ATG4C: variants seen among roughly 807,000 people sequenced by gnomAD.
ATG4C encodes the protein cysteine protease ATG4C.
A neutral mutation model predicts 57.6 loss-of-function variants in ATG4C; 56 were observed. The ratio of observed to expected loss-of-function variants is 0.97; its 90% confidence interval spans 0.78 to 1.21. The LOEUF is 1.21. Ranked by LOEUF, ATG4C falls within the 50% of genes most tolerant of loss-of-function variation. The pLI is 0.00. For synonymous variants in ATG4C, 157 were observed against 174.1 expected (o/e 0.90, Z 0.78); for missense variants, 595 against 529.8 (o/e 1.12, Z -1.21).
intron 10 of ATG4C, among the ~76,000 whole-genome samples, chr1:62,862,731 A>G (rs1666893534): frequency 6.6e-6 from 1 of 152,178 alleles, no homozygotes; most frequent in South Asian, 2.1e-4. Flanking sequence ...TATATTTTAT[A>G]TAGTTGTCTC....
In ATG4C at chr1:62,810,259, A is replaced by T. The variant is rs567331547; in HGVS notation, c.160+5004A>T. Among the ~76,000 whole-genome samples the T allele has an allele frequency of 5.9e-5, 9 of 152,342 alleles. No individual in the cohort carries two copies. The South Asian group carries it at 1.9e-3, about 32-fold the overall frequency. On this transcript the variant is annotated intron_variant, in intron 3 of 10. Coordinates refer to ENST00000317868, the MANE Select transcript of ATG4C (RefSeq NM_032852.4). ...GGTTACTGCTGAAAGTATGAAATAT[A>T]CAGTCTTTACTCTCAAGAAACTTAC... is the stretch of plus-strand genomic sequence containing the variant.
At chr1:62,786,857 GA>G (rs1223722510) in intron 1 of ATG4C, among the ~76,000 whole-genome samples, 2 of 152,192 alleles carry the variant, frequency 1.3e-5, no homozygotes, top group African/African-American at 2.4e-5. Flanking sequence ...TTACAGAGGG[GA>G]TAAGAGTGGG....
intron 9 of ATG4C, among the ~76,000 whole-genome samples, chr1:62,835,932 G>C (rs1665986118): frequency 6.6e-6 from 1 of 152,064 alleles, no homozygotes; most frequent in Non-Finnish European, 1.5e-5. Context: ...TTGTGTCCAA[G>C]TTACATTTCC....
At chr1:62,857,510 A>T (rs1421634670) in intron 10 of ATG4C, among the ~76,000 whole-genome samples, 3 of 152,078 alleles carry the variant, frequency 2.0e-5, no homozygotes, top group Non-Finnish European at 4.4e-5. Context: ...ATATATTGCA[A>T]TGTAATAATA....
chr1:62,818,246 A>C (rs189578281), intron 4 of ATG4C, among the ~76,000 whole-genome samples: 2 of 152,290 alleles, frequency 1.3e-5, no homozygotes, highest in Admixed American at 1.3e-4. Context: ...TATTCTGAAG[A>C]AACGTACAGG....
chr1:62,790,417 A>C (rs1664237987), intron 1 of ATG4C, among the ~76,000 whole-genome samples: 1 of 152,194 alleles, frequency 6.6e-6, no homozygotes, highest in Admixed American at 6.5e-5. Flanking sequence ...GAATTACTAG[A>C]CTGACTGATA....
At chr1:62,841,925 C>A (rs1022672725) in intron 10 of ATG4C, among the ~76,000 whole-genome samples, 1 of 152,104 alleles carries the variant, frequency 6.6e-6, no homozygotes, top group African/African-American at 2.4e-5. Context: ...TGCATTATTT[C>A]TTGTTAGTCC....
At chr1:62,795,190 C>T (rs1014912818) in intron 1 of ATG4C, among the ~76,000 whole-genome samples, 1 of 152,220 alleles carries the variant, frequency 6.6e-6, no homozygotes, top group East Asian at 1.9e-4. Flanking sequence ...GGAGCATTTA[C>T]TTGGCCTTAA....
At chr1:62,840,761 A>G (rs946420794) in intron 9 of ATG4C, among the ~76,000 whole-genome samples, 8 of 152,188 alleles carry the variant, frequency 5.3e-5, no homozygotes, top group East Asian at 1.9e-4. Flanking sequence ...CACTGTGTCT[A>G]TTGGAGAAAA....
chr1:62,803,849 C>A lies in ATG4C; in HGVS notation c.63C>A (p.Asn21Lys). The A allele has an allele frequency of 6.3e-7, 1 of 1,587,382 alleles. No homozygotes were observed. Among genetic ancestry groups the A allele is most frequent in the East Asian group, 2.3e-5 (1 of 43,992 alleles). Residue 21 changes from asparagine (N) to lysine (K), a missense_variant, in exon 2 of 11, where the codon AAC becomes AAA. Asn to Lys is a moderately conservative substitution (Grantham distance 94). Transcript: ENST00000317868. ...AAACCAAATTTATATCTGCTTGGAACAACATGAAATATAGTAAGTATCATG... is the reference window on the plus strand; with the variant it reads ...AAACCAAATTTATATCTGCTTGGAAAAACATGAAATATAGTAAGTATCATG... ...KLKTKFISAW[N>K]NMKYSWVLKT...
At chr1:62,833,473 G>A (rs1178165281) in intron 7 of ATG4C, among the ~76,000 whole-genome samples, 1 of 151,892 alleles carries the variant, frequency 6.6e-6, no homozygotes, top group African/African-American at 2.4e-5. Context: ...AAATAAATTG[G>A]CTTTAAATGC....
intron 10 of ATG4C, among the ~76,000 whole-genome samples, chr1:62,844,634 AT>A (rs1283636428): frequency 6.6e-6 from 1 of 152,072 alleles, no homozygotes; most frequent in East Asian, 1.9e-4. Flanking sequence ...GTAAATACCC[AT>A]GTGTTACCAC....
At chr1:62,859,950 CTG>C (rs932286575) in intron 10 of ATG4C, among the ~76,000 whole-genome samples, 28 of 152,146 alleles carry the variant, frequency 1.8e-4, no homozygotes, top group African/African-American at 6.5e-4. Context: ...AGCTTTTTGA[CTG>C]TTTTATAAGC....
At chr1:62,814,649 T>C (rs1665203808) in intron 3 of ATG4C, among the ~76,000 whole-genome samples, 1 of 152,210 alleles carries the variant, frequency 6.6e-6, no homozygotes, top group African/African-American at 2.4e-5. Flanking sequence ...GCATGGTATA[T>C]CTTTTTTCAT....
At chr1:62,793,787 A>G (rs866446486) in intron 1 of ATG4C, among the ~76,000 whole-genome samples, 3 of 151,954 alleles carry the variant, frequency 2.0e-5, no homozygotes, top group Middle Eastern at 3.4e-3. Flanking sequence ...TTGACTCTTT[A>G]CCTCTTATGT....
chr1:62,862,912 T>A (rs1557999569), intron 10 of ATG4C, among the ~76,000 whole-genome samples: 1 of 152,060 alleles, frequency 6.6e-6, no homozygotes. Context: ...AAATTGCATT[T>A]AACTGACAAT....
intron 1 of ATG4C, among the ~76,000 whole-genome samples, chr1:62,788,492 G>A (rs1572086127): frequency 6.6e-6 from 1 of 151,460 alleles, no homozygotes; most frequent in East Asian, 1.9e-4. Context: ...TTGAAAGTAA[G>A]GTGGCAACGT....
Position 62,800,427 on chromosome 1 carries a change from A to T in ATG4C, c.-68-3292A>T, listed in dbSNP as rs77692942. 7.2e-3 allele frequency among the ~76,000 whole-genome samples: 1,090 copies of T among 152,170 alleles called. 8 individuals are homozygous for T. The highest frequency in any genetic ancestry group is 0.065 in the Middle Eastern group (19 of 294). ...TCTTTCTTACTTTCTAACTCCCTTC[A>T]TTCCCCCTTCGCTGTCCCTGCGCTT... is the stretch of plus-strand genomic sequence containing the variant. On this transcript the variant is annotated intron_variant, in intron 1 of 10. Transcript: ENST00000317868.
At chr1:62,817,370 G>A (rs1665313113) in intron 4 of ATG4C, among the ~76,000 whole-genome samples, 1 of 152,000 alleles carries the variant, frequency 6.6e-6, no homozygotes, top group South Asian at 2.1e-4. Context: ...TTTAGCAATA[G>A]GGTCTCACTC....
Sources: gnomAD v4.1 joint callset for allele counts (sites outside exome capture counted in the v4.1 genomes callset) on GRCh38, gnomAD v4.1.1 for gene constraint, MANE v1.5 for transcripts, NCBI Gene and HGNC (gene_info 2026-07-23, HGNC 2026-07-21) for gene names.